The following DNAJC9 variants were observed in gnomAD, a reference collection of about 807,000 sequenced individuals.
DNAJC9 encodes the protein DnaJ heat shock protein family (Hsp40) member C9, also known as dnaJ homolog subfamily C member 9.
In DNAJC9, 18 loss-of-function variants were observed where a neutral mutation model predicts 32.4. That is an observed-to-expected ratio of 0.56 (90% CI 0.38 to 0.82). The LOEUF is 0.82. Among genes scored for constraint, DNAJC9 ranks in the 40% least tolerant of loss-of-function variants. The probability of loss-of-function intolerance (pLI) is 0.00; values close to 1 mark genes in which losing one functional copy is unlikely to be tolerated. For synonymous variants in DNAJC9, 113 were observed against 122.1 expected (o/e 0.93, Z 0.49); for missense variants, 310 against 321.8 (o/e 0.96, Z 0.28).
chr10:73,240,913 T>C, downstream of DNAJC9: 1 of 1,272,968 alleles, frequency 7.9e-7, no homozygotes. Flanking sequence ...AAACCTAGAC[T>C]GTCTACTAAT....
downstream of DNAJC9, chr10:73,241,100 T>C (rs1380911163): frequency 6.0e-6 from 5 of 826,886 alleles, no homozygotes; most frequent in African/African-American, 5.3e-5. Context: ...GATGCAGAGC[T>C]TGTATAGAAG....
rs376845849 is a variant in DNAJC9 at position 73,243,864 on chromosome 10, A to G, written c.642T>C (p.Asp214=). ...TTACCTGAATGGCTGCCTTCAGGCT[A>G]TCCACGCCTTCATCAAGCCCCAACT... The part of the protein sequence containing the change: ...RKELGLDEGV[D]SLKAAIQSRQ... The change falls in exon 4 of 5, where the codon GAT becomes GAC. Residue 214 remains aspartate, a synonymous_variant. Coordinates refer to ENST00000372950, the MANE Select transcript of DNAJC9 (RefSeq NM_015190.5). 108 of 1,614,038 alleles carry G rather than the reference A, an allele frequency of 6.7e-5. No homozygotes were observed. Among genetic ancestry groups the G allele is most frequent in the Non-Finnish European group, 9.1e-5 (107 of 1,180,012 alleles).
intron 3 of DNAJC9, 44 bp from the exon 4 acceptor site, chr10:73,243,973 C>T (rs761522007): frequency 6.7e-7 from 1 of 1,503,110 alleles, no homozygotes; most frequent in Non-Finnish European, 9.2e-7. Context: ...CCAGGAAATG[C>T]TTAAAATACA....
At chr10:73,236,711 CT>C (rs576371533), downstream of DNAJC9, among the ~76,000 whole-genome samples, 1 of 148,876 alleles carries the variant, frequency 6.7e-6, no homozygotes, top group Non-Finnish European at 1.5e-5. Context: ...TGTACCCGGC[CT>C]TTTTTTTCTT....
At chr10:73,238,284 T>C (rs762277313), downstream of DNAJC9, among the ~76,000 whole-genome samples, 1 of 152,110 alleles carries the variant, frequency 6.6e-6, no homozygotes, top group Non-Finnish European at 1.5e-5. Context: ...GAGGCAGAGG[T>C]TGCAGTGAGC....
Position 73,243,946 on chromosome 10 carries a change from CAT to C in DNAJC9, c.577-19_577-18del. The C allele has an allele frequency of 1.2e-6, 2 of 1,610,200 alleles. No individual in the cohort carries two copies. The highest frequency in any genetic ancestry group is 4.5e-5 in the East Asian group (2 of 44,824). On this transcript the variant is annotated intron_variant, in intron 3 of 4. Transcript: ENST00000372950. ...TTCCTGAGCCTGAAACAGGAACTCA[CAT>C]GAGACTCAGGGCCACCAGGAAATGC...
Position 73,246,153 on chromosome 10 carries a change from A to G in DNAJC9, c.345T>C (p.Ala115=), listed in dbSNP as rs1189476243. Residue 115 remains alanine (A), a synonymous_variant, in exon 3 of 5, where the codon GCT becomes GCC. Transcript: ENST00000372950. ...CCGAACCTTTGTATGTCTTTTCAAA[A>G]GCTTGAATGTCCTCTAAAGATATCT... The part of the protein sequence containing the change: ...FKKISLEDIQ[A]FEKTYKGSEE... The G allele has an allele frequency of 6.2e-7, 1 of 1,612,904 alleles. No homozygotes were observed.
Position 73,246,922 on chromosome 10 carries a change from G to A in DNAJC9, c.180+88C>T, listed in dbSNP as rs564052328. On this transcript the variant is annotated intron_variant, in intron 1 of 4. Transcript: ENST00000372950. ...ATCAGAAGGCGCCAAGCGGAGCTCA[G>A]CGCGCTCCCCCGGGGCGGGGCCCGG... The A allele has an allele frequency of 4.3e-5, 69 of 1,591,312 alleles. 1 individual carries two copies. In the South Asian group the frequency reaches 6.7e-4, roughly 15 times the overall value.
In DNAJC9 at chr10:73,243,843, C is replaced by G. The variant is rs1461262772; in HGVS notation, c.663G>C (p.Gln221His). 2 of 1,612,280 alleles carry G rather than the reference C, an allele frequency of 1.2e-6. No individual in the cohort carries two copies. The highest frequency in any genetic ancestry group is 2.7e-5 in the African/African-American group (2 of 74,962). The change falls in exon 4 of 5, where the codon CAG (glutamine) becomes CAC (histidine). Residue 221 changes from glutamine to histidine, a missense_variant and splice_region_variant. Physicochemically the swap from Gln to His is conservative, Grantham distance 24. Transcript: ENST00000372950. ...EGVDSLKAAI[Q>H]SRQKDRQKEM... ...TGTGGCAACAAACTGCCAAGTTTAC[C>G]TGAATGGCTGCCTTCAGGCTATCCA...
downstream of DNAJC9, chr10:73,239,395 G>A: frequency 7.7e-6 from 12 of 1,549,694 alleles, no homozygotes; most frequent in Non-Finnish European, 1.0e-5. Context: ...GTAAAGGTGG[G>A]GCCATGGCCC....
At chr10:73,246,541 C>T in intron 2 of DNAJC9, 147 bp downstream of exon 2, 2 of 875,676 alleles carry the variant, frequency 2.3e-6, no homozygotes, top group Non-Finnish European at 3.6e-6. Context: ...TTTCAGTAAG[C>T]GTGCGTGTAT....
At chr10:73,245,478 C>G (rs377357672) in intron 3 of DNAJC9, among the ~76,000 whole-genome samples, 4 of 151,506 alleles carry the variant, frequency 2.6e-5, no homozygotes, top group African/African-American at 7.3e-5. Flanking sequence ...AAGAAAAATT[C>G]TGTATCCAAC....
In DNAJC9 at chr10:73,247,202, T is replaced by A; in HGVS notation, c.-13A>T. 1 of 1,584,156 alleles carries A rather than the reference T, an allele frequency of 6.3e-7. No homozygotes were observed. Among genetic ancestry groups the A allele is most frequent in the Non-Finnish European group, 8.6e-7 (1 of 1,166,460 alleles). On this transcript the variant is annotated 5_prime_UTR_variant, in exon 1 of 5. Coordinates refer to ENST00000372950, the MANE Select transcript of DNAJC9 (RefSeq NM_015190.5). Reference sequence around the variant, plus strand: ...CCAGCAGCCCCATGCCGGGCGGAGATACGACCCCGGAGGAAGCAGCCGCTC... The same window carrying A: ...CCAGCAGCCCCATGCCGGGCGGAGAAACGACCCCGGAGGAAGCAGCCGCTC...
chr10:73,245,917 C>A lies in DNAJC9; in HGVS notation c.576+5G>T. 6.2e-7 allele frequency: 1 copy of A among 1,610,530 alleles called. No homozygotes were observed. Among genetic ancestry groups the A allele is most frequent in the South Asian group, 1.1e-5 (1 of 90,442 alleles). On this transcript the variant is annotated splice_donor_5th_base_variant and intron_variant, in intron 3 of 4. Transcript: ENST00000372950. ...AATATAAATCCACAGTATTCAAAAT[C>A]TTACCCTCCTTTTCCTTGCATTCAT...
At chr10:73,240,986 C>T, downstream of DNAJC9, 1 of 1,520,850 alleles carries the variant, frequency 6.6e-7, no homozygotes, top group African/African-American at 1.9e-5. Context: ...AAAGCGGAGG[C>T]AGACCAGTCT....
chr10:73,236,862 C>T (rs755684282), downstream of DNAJC9, among the ~76,000 whole-genome samples: 5 of 151,630 alleles, frequency 3.3e-5, no homozygotes, highest in Non-Finnish European at 7.4e-5. Context: ...ACTACAGGCA[C>T]ATGCCACCAT....
intron 3 of DNAJC9, chr10:73,244,294 AAGACCTGCCTG>A (rs2043983965): frequency 5.1e-6 from 1 of 197,016 alleles, no homozygotes; most frequent in Admixed American, 5.8e-5. Flanking sequence ...TCAGGAGTTC[AAGACCTGCCTG>A]GGTAACATAG....
chr10:73,233,209 AC>A, intron 2 of DNAJC9: 1 of 1,232,314 alleles, frequency 8.1e-7, no homozygotes, highest in Non-Finnish European at 1.2e-6. Context: ...TAAAACTAAC[AC>A]ATTTTACATA....
intron 3 of DNAJC9, among the ~76,000 whole-genome samples, chr10:73,244,712 T>C (rs1487949577): frequency 6.6e-6 from 1 of 151,664 alleles, no homozygotes; most frequent in Admixed American, 6.6e-5. Flanking sequence ...AGCCTTCCTT[T>C]GCCAAGTGTT....
Sources: gnomAD v4.1 joint callset for allele counts (sites outside exome capture counted in the v4.1 genomes callset) on GRCh38, gnomAD v4.1.1 for gene constraint, MANE v1.5 for transcripts, NCBI Gene and HGNC (gene_info 2026-07-23, HGNC 2026-07-21) for gene names.